Variants in MYO7B observed in about 807,000 individuals in gnomAD.
MYO7B encodes the protein myosin VIIB.
Under a neutral mutation model 259.7 loss-of-function variants are expected in MYO7B, and 212 were observed. The ratio of observed to expected loss-of-function variants is 0.82; its 90% CI spans 0.73 to 0.91. The LOEUF (loss-of-function observed/expected upper bound fraction) is 0.91, where lower values mean the gene tolerates loss of function less well. Ranked by LOEUF, MYO7B falls within the 40% of genes least tolerant of loss-of-function variation. The pLI, the probability that MYO7B is intolerant of heterozygous loss-of-function variation, is 0.00. For missense variants in MYO7B, 2,732 were observed against 2,813.5 expected, an observed-to-expected ratio of 0.97 and a Z score of 0.66; for synonymous variants, 1,197 against 1,166.4, an observed-to-expected ratio of 1.03 and a Z score of -0.54.
chr2:127,606,819 C>G (rs993924787), intron 20 of MYO7B, among the ~76,000 whole-genome samples: 2 of 152,194 alleles, frequency 1.3e-5, no homozygotes, highest in Non-Finnish European at 2.9e-5. Context: ...GGCCTCCACA[C>G]GGGTGTGCTA....
intron 3 of MYO7B, among the ~76,000 whole-genome samples, 184 bp from the exon 4 acceptor site, chr2:127,565,044 ATCCTG>A (rs1462687453): frequency 4.6e-5 from 7 of 152,192 alleles, no homozygotes; most frequent in African/African-American, 1.4e-4. Context: ...GATGGACCGG[ATCCTG>A]CCACAGGAGT....
chr2:127,620,316 C>T (rs1430190567), intron 26 of MYO7B, 24 bp from the exon 27 acceptor site: 2 of 1,603,726 alleles, frequency 1.2e-6, no homozygotes, highest in East Asian at 4.5e-5. Context: ...CCAGCCTACT[C>T]TCCTAATGGT....
intron 18 of MYO7B, 57 bp downstream of exon 18, chr2:127,593,701 G>A: frequency 6.6e-7 from 1 of 1,513,122 alleles, no homozygotes; most frequent in Non-Finnish European, 9.2e-7. Flanking sequence ...GGGCTTGTCA[G>A]CTCTTGCACC....
intron 36 of MYO7B, 110 bp from the exon 37 acceptor site, chr2:127,631,096 G>A: frequency 2.8e-6 from 4 of 1,427,796 alleles, no homozygotes; most frequent in Non-Finnish European, 3.7e-6. Context: ...GCTTGCGGCA[G>A]GGTGGGGTGC....
At chr2:127,562,662 AT>A (rs1366887851) in intron 2 of MYO7B, among the ~76,000 whole-genome samples, 1 of 151,490 alleles carries the variant, frequency 6.6e-6, no homozygotes, top group East Asian at 1.9e-4. Flanking sequence ...TAATTTTTGT[AT>A]TTTTAGTAGA....
intron 26 of MYO7B, among the ~76,000 whole-genome samples, chr2:127,616,811 C>T (rs537393635): frequency 1.3e-5 from 2 of 152,316 alleles, no homozygotes; most frequent in Non-Finnish European, 2.9e-5. Context: ...GCCCCCTTCT[C>T]ATTTCCCGAC....
intron 6 of MYO7B, among the ~76,000 whole-genome samples, chr2:127,571,668 C>T (rs189711780): frequency 2.6e-4 from 40 of 151,624 alleles, no homozygotes; most frequent in African/African-American, 8.0e-4. Flanking sequence ...TTAGTAGAGA[C>T]GGGGTTTCTC....
chr2:127,575,689 G>A (rs2104912478), intron 7 of MYO7B, among the ~76,000 whole-genome samples: 1 of 152,230 alleles, frequency 6.6e-6, no homozygotes. Flanking sequence ...AAAGGGGAAG[G>A]CAGGATGGAA....
At chr2:127,569,946 GC>G (rs1255437369) in intron 6 of MYO7B, 36 bp downstream of exon 6, 16 of 1,591,542 alleles carry the variant, frequency 1.0e-5, no homozygotes, top group Admixed American at 1.7e-5. Context: ...TTCTCCCCCA[GC>G]CCCCCTGGAG....
intron 1 of MYO7B, among the ~76,000 whole-genome samples, chr2:127,547,363 C>CTGTG (rs1693273985): frequency 6.6e-6 from 1 of 152,128 alleles, no homozygotes; most frequent in Admixed American, 6.5e-5. Flanking sequence ...ATGTCTGTGC[C>CTGTG]TGTGTGTGTG....
In MYO7B at chr2:127,569,769, C is replaced by T; in HGVS notation, c.471-20C>T. 1 of 1,598,570 alleles carries T rather than the reference C, an allele frequency of 6.3e-7. No individual in the cohort carries two copies. The highest frequency in any genetic ancestry group is 8.5e-7 in the Non-Finnish European group (1 of 1,170,080). On this transcript the variant is annotated intron_variant, in intron 5 of 47. Transcript: ENST00000409816. ...AATAGTCGTTTTGTGGCATCATGTC[C>T]CTGCACACCCTTTTTGCAGCGGCGA...
intron 38 of MYO7B, 75 bp downstream of exon 38, chr2:127,631,828 C>T: frequency 2.6e-6 from 4 of 1,544,630 alleles, no homozygotes; most frequent in Non-Finnish European, 3.5e-6. Flanking sequence ...GACCGAGGCT[C>T]AGAGAGGACA....
In MYO7B at chr2:127,637,485, C is replaced by G; in HGVS notation, c.*68C>G. 8.3e-7 allele frequency: 1 copy of G among 1,203,584 alleles called. No homozygotes were observed. Among genetic ancestry groups the G allele is most frequent in the Non-Finnish European group, 1.1e-6 (1 of 876,354 alleles). 74.6% of individuals were successfully genotyped at this position (1,203,584 alleles called of 1,614,324 possible). ...CTAGCCTGGCGGCACCTTCCCAGGC[C>G]CTCTCAACCCAGGGCCTGTCCTTGG... On this transcript the variant is annotated 3_prime_UTR_variant, in exon 48 of 48. Coordinates refer to ENST00000409816, the MANE Select transcript of MYO7B (RefSeq NM_001393586.1).
At chr2:127,561,955 T>C (rs1678102907) in intron 2 of MYO7B, among the ~76,000 whole-genome samples, 2 of 152,144 alleles carry the variant, frequency 1.3e-5, no homozygotes, top group Non-Finnish European at 2.9e-5. Context: ...TCTCATCTTA[T>C]CTTCACATGG....
chr2:127,626,910 G>C, intron 31 of MYO7B, 65 bp from the exon 32 acceptor site: 4 of 1,402,668 alleles, frequency 2.9e-6, no homozygotes, highest in South Asian at 1.3e-5. Context: ...TTTACCCTGA[G>C]CACTAGGTGA....
intron 36 of MYO7B, 76 bp from the exon 37 acceptor site, chr2:127,631,130 G>C: frequency 6.8e-7 from 1 of 1,479,246 alleles, no homozygotes; most frequent in Non-Finnish European, 9.0e-7. Flanking sequence ...CAGCCACTCA[G>C]GGGTGTCAGA....
intron 18 of MYO7B, among the ~76,000 whole-genome samples, chr2:127,595,088 A>T (rs1679709706): frequency 6.6e-6 from 1 of 152,186 alleles, no homozygotes. Flanking sequence ...ATTCAGCTGT[A>T]AATCCATCTG....
At chr2:127,629,034 G>C (rs1208768932) in intron 34 of MYO7B, among the ~76,000 whole-genome samples, 2 of 152,208 alleles carry the variant, frequency 1.3e-5, no homozygotes, top group African/African-American at 4.8e-5. Flanking sequence ...TGTGGGCTAT[G>C]GGGGAGCATG....
At position 127,614,015 on chromosome 2, in the gene MYO7B, C is replaced by A. The variant is rs947022497; in HGVS notation, c.3398+1412C>A. Among the ~76,000 whole-genome samples, 4 of 152,204 alleles carry A rather than the reference C, an allele frequency of 2.6e-5. No homozygotes were observed. Among genetic ancestry groups the A allele is most frequent in the Admixed American group, 2.6e-4 (4 of 15,278 alleles). On this transcript the variant is annotated intron_variant, in intron 26 of 47. Coordinates refer to ENST00000409816, the MANE Select transcript of MYO7B (RefSeq NM_001393586.1). The surrounding 1 kb of genome is among the most constrained non-coding windows in gnomAD (Gnocchi z 4.6). ...TCTTCAAGCCAGTAAGACTACAGGG[C>A]TTCTCAAGTTTTAGCTGCCTGCATG...
Sources: gnomAD v4.1 joint callset for allele counts (sites outside exome capture counted in the v4.1 genomes callset) on GRCh38, gnomAD v4.1.1 for gene constraint, Gnocchi (gnomAD v3.1) non-coding constraint, MANE v1.5 for transcripts, NCBI Gene and HGNC (gene_info 2026-07-23, HGNC 2026-07-21) for gene names.